The following OGFR variants were observed in gnomAD, a reference collection of about 807,000 sequenced individuals.
The protein encoded by OGFR is opioid growth factor receptor.
Under a neutral mutation model 33.6 loss-of-function variants are expected in OGFR, and 18 were observed. The ratio of observed to expected loss-of-function variants is 0.54; its 90% CI spans 0.37 to 0.80. The LOEUF is 0.80. Ranked by LOEUF, OGFR falls within the 30% of genes least tolerant of loss-of-function variation. The pLI is 0.00. For synonymous variants in OGFR, 370 were observed against 400.7 expected, an observed-to-expected ratio of 0.92 and a Z score of 0.91; for missense variants, 877 against 955.8, an observed-to-expected ratio of 0.92 and a Z score of 1.09.
At chr20:62,805,181 C>A in intron 1 of OGFR, 151 bp downstream of exon 1, 1 of 516,062 alleles carries the variant, frequency 1.9e-6, no homozygotes, top group Non-Finnish European at 3.0e-6. Context: ...CGGCCGACCC[C>A]CAGCCCCAGG....
intron 2 of OGFR, 129 bp downstream of exon 2, chr20:62,807,734 C>T: frequency 2.2e-6 from 2 of 919,686 alleles, no homozygotes; most frequent in Non-Finnish European, 3.4e-6. Context: ...TGGGCAGGAC[C>T]CTGCCTGGGG....
chr20:62,810,386 G>C lies in OGFR; in HGVS notation c.399-113G>C. On this transcript the variant is annotated intron_variant, in intron 4 of 6. Transcript: ENST00000290291. Reference sequence around the variant, plus strand: ...CACCTAGCCACTCCCTCCTAGAGTTGAGCCTGGGAACCCAGAGGGGATTGG... The same window carrying C: ...CACCTAGCCACTCCCTCCTAGAGTTCAGCCTGGGAACCCAGAGGGGATTGG... 3.0e-6 allele frequency: 3 copies of C among 1,010,708 alleles called. No homozygotes were observed. In the East Asian group the frequency reaches 7.4e-5, roughly 25 times the overall value. The allele number at this position is 1,010,708 out of a possible 1,614,324, so 62.6% of individuals were successfully genotyped here.
chr20:62,808,974 C>CAAAAAAAAA (rs5842400), intron 3 of OGFR, among the ~76,000 whole-genome samples: 1 of 68,414 alleles, frequency 1.5e-5, no homozygotes, highest in Non-Finnish European at 2.7e-5. Flanking sequence ...GACTCTGTCT[C>CAAAAAAAAA]AAAAAAAAAA....
In OGFR at chr20:62,811,626, T is replaced by TGGG; in HGVS notation, c.614+16_614+17insGGG. The TGGG allele has an allele frequency of 2.7e-6, 4 of 1,502,324 alleles. No homozygotes were observed. Among genetic ancestry groups the TGGG allele is most frequent in the Non-Finnish European group, 3.6e-6 (4 of 1,109,944 alleles). The allele number at this position is 1,502,324 out of a possible 1,614,324, so 93.1% of individuals were successfully genotyped here. ...ACCTGAACTGGTGAGGCCCGGCTGC[T>TGGG]CCCGCCCACCCCCACCCCGGCGCAG... is the stretch of plus-strand genomic sequence containing the variant. On this transcript the variant is annotated intron_variant, in intron 6 of 6. Transcript: ENST00000290291.
chr20:62,812,467 C>T lies in OGFR; in HGVS notation c.852C>T (p.Phe284=), dbSNP rs769894928. 8.9e-6 allele frequency: 14 copies of T among 1,578,068 alleles called. No individual in the cohort carries two copies. In the South Asian group the frequency reaches 1.4e-4, roughly 16 times the overall value. Residue 284 remains phenylalanine (F), a synonymous_variant, in exon 7 of 7, where the codon TTC becomes TTT. Coordinates refer to ENST00000290291, the MANE Select transcript of OGFR (RefSeq NM_007346.4). ...AGCACTTCCGGCCCCGCTGCAAGTT[C>T]GTCTGGGGGCCCCAAGACAAGCTGC... The part of the protein sequence containing the change: ...AWEHFRPRCK[F]VWGPQDKLRR...
Position 62,813,830 on chromosome 20 carries a change from C to A in OGFR, c.*181C>A. On this transcript the variant is annotated 3_prime_UTR_variant, in exon 7 of 7. Coordinates refer to ENST00000290291, the MANE Select transcript of OGFR (RefSeq NM_007346.4). Reference sequence around the variant, plus strand: ...AGAAGCCGCGAGGCCCTCAGGGAAGCCCAAGGCCTGCAGAAGCCTCCTGGC... The same window carrying A: ...AGAAGCCGCGAGGCCCTCAGGGAAGACCAAGGCCTGCAGAAGCCTCCTGGC... The A allele has an allele frequency of 1.4e-6, 1 of 689,790 alleles. No homozygotes were observed. 42.7% of individuals were successfully genotyped at this position (689,790 alleles called of 1,614,324 possible).
At position 62,812,789 on chromosome 20, in the gene OGFR, C is replaced by G; in HGVS notation, c.1174C>G (p.Arg392Gly). ...GAAGAGGAAGCTGGAGCTGAGCCGG[C>G]GGGAGCAGCCGCCCACAGAGCCAGG... The part of the protein sequence containing the change: ...SKKRKLELSR[R>G]EQPPTEPGPQ... Residue 392 changes from arginine (R) to glycine (G), a missense_variant, in exon 7 of 7, where the codon CGG becomes GGG. Physicochemically the swap from Arg to Gly is moderately radical, Grantham distance 125 (BLOSUM62 -2). Transcript: ENST00000290291. The G allele has an allele frequency of 8.7e-6, 14 of 1,612,530 alleles. No homozygotes were observed. The highest frequency in any genetic ancestry group is 1.1e-5 in the Non-Finnish European group (13 of 1,179,816).
In OGFR at chr20:62,809,665, T is replaced by C. The variant is rs1990679390; in HGVS notation, c.398+2T>C. On this transcript the variant is annotated splice_donor_variant, in intron 4 of 6. Transcript: ENST00000290291. LOFTEE classifies it high-confidence loss of function. The stretch of plus-strand genomic sequence containing the variant: ...GGACAATCACTCCTACATCCAGTGG[T>C]GAGTTGGGGAGGATGGGGGGATGGG... 3 of 1,556,566 alleles carry C rather than the reference T, an allele frequency of 1.9e-6. No individual in the cohort carries two copies. In the African/African-American group the frequency reaches 4.2e-5, roughly 22 times the overall value.
chr20:62,812,559 G>A lies in OGFR; in HGVS notation c.944G>A (p.Ser315Asn), dbSNP rs1990755640. The A allele has an allele frequency of 2.5e-6, 4 of 1,582,310 alleles. No individual in the cohort carries two copies. The highest frequency in any genetic ancestry group is 1.8e-5 in the Admixed American group (1 of 55,022). ...TCCAGGAAGGTGGAGGAGGAAGGAA[G>A]CCCCGGGGACCCCGACCACGAGGCC... ...EGSRKVEEEG[S>N]PGDPDHEAST... Residue 315 changes from serine to asparagine, a missense_variant, in exon 7 of 7, where the codon AGC becomes AAC. By Grantham distance (46) the Ser-to-Asn change is conservative. Transcript: ENST00000290291.
rs914493263 is a variant in OGFR, at chr20:62,811,407, C to A, written c.466-55C>A. On this transcript the variant is annotated intron_variant, in intron 5 of 6. Transcript: ENST00000290291. ...CGGGACCCACGGCCACCCCCACACT[C>A]AGGAACCGGGGCTTCAGGGATGGTG... is the stretch of plus-strand genomic sequence containing the variant. 16 of 1,593,922 alleles carry A rather than the reference C, an allele frequency of 1.0e-5. No individual in the cohort carries two copies. In the African/African-American group the frequency reaches 2.1e-4, roughly 21 times the overall value.
rs1990758485 is a variant in OGFR at position 62,812,623 on chromosome 20, G to A, written c.1008G>A (p.Lys336=). The change falls in exon 7 of 7, where the codon AAG becomes AAA. Residue 336 remains lysine, a synonymous_variant. Coordinates refer to ENST00000290291, the MANE Select transcript of OGFR (RefSeq NM_007346.4). The part of the protein sequence containing the change: ...QGRTCGPEHS[K]GGGRVDEGPQ... Reference sequence around the variant, plus strand: ...GGACCTGTGGGCCAGAGCATAGCAAGGGTGGGGGCAGGGTGGACGAGGGGC... The same window carrying A: ...GGACCTGTGGGCCAGAGCATAGCAAAGGTGGGGGCAGGGTGGACGAGGGGC... 1 of 1,561,992 alleles carries A rather than the reference G, an allele frequency of 6.4e-7. No homozygotes were observed. The highest frequency in any genetic ancestry group is 1.9e-5 in the Admixed American group (1 of 51,606).
At chr20:62,805,662 G>A (rs543227210) in intron 1 of OGFR, 1 of 152,464 alleles carries the variant, frequency 6.6e-6, no homozygotes, top group Admixed American at 6.5e-5. Context: ...CGGAGGGCCG[G>A]GAAGTGCATG....
chr20:62,811,132 C>T (rs1328955965), intron 5 of OGFR, among the ~76,000 whole-genome samples: 2 of 152,196 alleles, frequency 1.3e-5, no homozygotes, highest in African/African-American at 4.8e-5. Flanking sequence ...GAGGCTGAGG[C>T]GGGTGGATCA....
Position 62,812,638 on chromosome 20 carries a change from G to A in OGFR, c.1023G>A (p.Val341=), listed in dbSNP as rs1292837057. 1 of 1,560,434 alleles carries A rather than the reference G, an allele frequency of 6.4e-7. No homozygotes were observed. The highest frequency in any genetic ancestry group is 8.7e-7 in the Non-Finnish European group (1 of 1,153,400). The part of the protein sequence containing the change: ...GPEHSKGGGR[V]DEGPQPRSVE... Reference sequence around the variant, plus strand: ...AGCATAGCAAGGGTGGGGGCAGGGTGGACGAGGGGCCCCAGCCACGGAGCG... The same window carrying A: ...AGCATAGCAAGGGTGGGGGCAGGGTAGACGAGGGGCCCCAGCCACGGAGCG... The change falls in exon 7 of 7, where the codon GTG becomes GTA. Residue 341 remains valine (V), a synonymous_variant. Transcript: ENST00000290291.
rs903621191 is a variant in OGFR at position 62,813,009 on chromosome 20, C to CTGGG, written c.1395_1398dup (p.Asp467TrpfsTer32). The CTGGG allele has an allele frequency of 5.6e-6, 9 of 1,609,354 alleles. No homozygotes were observed. Among genetic ancestry groups the CTGGG allele is most frequent in the Non-Finnish European group, 5.9e-6 (7 of 1,178,412 alleles). On this transcript the variant is annotated frameshift_variant, in exon 7 of 7. Coordinates refer to ENST00000290291, the MANE Select transcript of OGFR (RefSeq NM_007346.4). LOFTEE classifies it low-confidence loss of function (END_TRUNC). ...AAGCGGAGGAAGGTGGATGAGGGTG[C>CTGGG]TGGGGACAGTGCTGCGGTGGCCAGT...
rs1204938707 is a variant in OGFR at position 62,812,814 on chromosome 20, G to T, written c.1199G>T (p.Gly400Val). Reference sequence around the variant, plus strand: ...CGGGAGCAGCCGCCCACAGAGCCAGGCCCTCAGAGTGCCTCAGAGGTGGAG... The same window carrying T: ...CGGGAGCAGCCGCCCACAGAGCCAGTCCCTCAGAGTGCCTCAGAGGTGGAG... ...SRREQPPTEP[G>V]PQSASEVEKI... The change falls in exon 7 of 7, where the codon GGC becomes GTC. Residue 400 changes from glycine to valine, a missense_variant. By Grantham distance (109) the Gly-to-Val change is moderately radical. Transcript: ENST00000290291. The T allele has an allele frequency of 6.2e-7, 1 of 1,612,602 alleles. No individual in the cohort carries two copies. The highest frequency in any genetic ancestry group is 8.5e-7 in the Non-Finnish European group (1 of 1,179,898).
intron 3 of OGFR, among the ~76,000 whole-genome samples, chr20:62,809,324 C>T (rs1476003633): frequency 6.6e-6 from 1 of 152,292 alleles, no homozygotes; most frequent in East Asian, 1.9e-4. Context: ...AGGGACCTTC[C>T]GGGCTCTCAG....
chr20:62,811,426 G>C, intron 5 of OGFR, 36 bp from the exon 6 acceptor site: 1 of 1,605,280 alleles, frequency 6.2e-7, no homozygotes, highest in Non-Finnish European at 8.5e-7. Flanking sequence ...GGGCTTCAGG[G>C]ATGGTGCCTG....
chr20:62,810,328 A>T (rs1047331821), intron 4 of OGFR, among the ~76,000 whole-genome samples, 171 bp from the exon 5 acceptor site: 2 of 152,114 alleles, frequency 1.3e-5, no homozygotes, highest in Non-Finnish European at 2.9e-5. Context: ...GGGCCCTTGC[A>T]CGCTCACCTG....
Sources: allele counts gnomAD v4.1 joint callset (sites outside exome capture counted in the v4.1 genomes callset), GRCh38; gene constraint gnomAD v4.1.1; transcripts MANE v1.5; gene names NCBI Gene and HGNC (gene_info 2026-07-23, HGNC 2026-07-21).